CEP295: variants seen among roughly 807,000 people sequenced by gnomAD.
CEP295 encodes centrosomal protein of 295 kDa.
CEP295 carries 190 observed loss-of-function variants against 291.6 expected under a neutral mutation model. That is an observed-to-expected ratio of 0.65 (90% CI 0.58 to 0.73). The LOEUF is 0.73. Among genes scored for constraint, CEP295 ranks in the 30% least tolerant of loss-of-function variants. The pLI is 0.00. For synonymous variants in CEP295, 993 were observed against 1,038.8 expected (o/e 0.96, Z 0.85); for missense variants, 2,863 against 2,949.4 (o/e 0.97, Z 0.68).
intron 9 of CEP295, among the ~76,000 whole-genome samples, chr11:93,685,993 G>A (rs1002650964): frequency 2.0e-5 from 3 of 150,248 alleles, no homozygotes; most frequent in Non-Finnish European, 4.4e-5. Flanking sequence ...ACAGGCATGA[G>A]CCACCATGCC....
At position 93,723,196 on chromosome 11, in the gene CEP295, G is replaced by A. The variant is rs967660373; in HGVS notation, c.6103G>A (p.Asp2035Asn). The A allele has an allele frequency of 1.3e-6, 2 of 1,551,852 alleles. No individual in the cohort carries two copies. Among genetic ancestry groups the A allele is most frequent in the African/African-American group, 1.4e-5 (1 of 73,042 alleles). Residue 2035 changes from aspartate to asparagine, a missense_variant, in exon 21 of 30, where the codon GAT (aspartate) becomes AAT (asparagine). Asp to Asn is a conservative substitution (Grantham distance 23, BLOSUM62 1). Coordinates refer to ENST00000325212, the MANE Select transcript of CEP295 (RefSeq NM_033395.2). ...DVHKSLLPAV[D>N]ETTCGHTHFQ... ...TCATAAATCTCTGTTGCCTGCAGTG[G>A]ATGAAACTACATGTGGTCACACACA...
At chr11:93,716,974 A>G (rs1371088349) in intron 18 of CEP295, among the ~76,000 whole-genome samples, 3 of 152,184 alleles carry the variant, frequency 2.0e-5, no homozygotes, top group Non-Finnish European at 2.9e-5. Flanking sequence ...CTATAAACTT[A>G]TACCATAAAA....
intron 17 of CEP295, among the ~76,000 whole-genome samples, chr11:93,704,215 C>G (rs941603456): frequency 6.6e-6 from 1 of 151,684 alleles, no homozygotes; most frequent in African/African-American, 2.4e-5. Context: ...TAGAAAGGTA[C>G]TTAGAAGTTG....
chr11:93,729,086 G>C, intron 25 of CEP295: 1 of 494,072 alleles, frequency 2.0e-6, no homozygotes, highest in East Asian at 3.2e-5. Context: ...TGCCAAGTTG[G>C]AAGTTTTACC....
intron 18 of CEP295, among the ~76,000 whole-genome samples, chr11:93,712,279 C>T (rs1323417358): frequency 1.3e-5 from 2 of 151,880 alleles, no homozygotes; most frequent in African/African-American, 4.8e-5. Context: ...CAGAGTCTCA[C>T]TCTGTCACCC....
At position 93,691,711 on chromosome 11, in the gene CEP295, G is replaced by A; in HGVS notation, c.1365G>A (p.Glu455=). ...TTGAAAGTGATACACTAACAATTGA[G>A]TCTGGACCACTTGCTAGTGAAGATA... The part of the protein sequence containing the change: ...QVVESDTLTI[E]SGPLASEDKP... Residue 455 remains glutamate (E), a synonymous_variant, in exon 11 of 30, where the codon GAG becomes GAA. Coordinates refer to ENST00000325212, the MANE Select transcript of CEP295 (RefSeq NM_033395.2). 6.5e-7 allele frequency: 1 copy of A among 1,545,898 alleles called. No homozygotes were observed. Among genetic ancestry groups the A allele is most frequent in the Non-Finnish European group, 8.7e-7 (1 of 1,143,898 alleles).
chr11:93,696,320 G>A lies in CEP295; in HGVS notation c.1672G>A (p.Val558Ile). 5 of 1,536,550 alleles carry A rather than the reference G, an allele frequency of 3.3e-6. No individual in the cohort carries two copies. The highest frequency in any genetic ancestry group is 4.4e-6 in the Non-Finnish European group (5 of 1,137,116). ...EKRKKTQPTG[V>I]GIAPASCPVI... ...AATTAGTAACTTTGTCTTTTATTAG[G>A]TTGGCATTGCTCCAGCATCATGCCC... The change falls in exon 14 of 30, where the codon GTT becomes ATT. Residue 558 changes from valine (V) to isoleucine (I), a missense_variant and splice_region_variant. Physicochemically the swap from Val to Ile is conservative, Grantham distance 29. Around this residue, in one of 3 missense-constraint regions of CEP295, gnomAD observed 2,295 missense variants for 2,335.7 expected, o/e 0.98. Coordinates refer to ENST00000325212, the MANE Select transcript of CEP295 (RefSeq NM_033395.2).
At chr11:93,678,925 T>TA in intron 6 of CEP295, among the ~76,000 whole-genome samples, 2 of 152,274 alleles carry the variant, frequency 1.3e-5, no homozygotes, top group East Asian at 1.9e-4. Context: ...GGCACAGTCT[T>TA]AGTTTACTGG....
At chr11:93,722,448 T>C in intron 20 of CEP295, 1 of 163,066 alleles carries the variant, frequency 6.1e-6, no homozygotes, top group Non-Finnish European at 1.3e-5. Context: ...AGCAACATAG[T>C]GAAACCCTGT....
chr11:93,724,501 T>G (rs1953991592), intron 22 of CEP295, 126 bp downstream of exon 22: 2 of 941,450 alleles, frequency 2.1e-6, no homozygotes, highest in Non-Finnish European at 3.2e-6. Context: ...GCACAGTGGC[T>G]CACACCTGTA....
At chr11:93,673,795 A>G (rs1209399485) in intron 5 of CEP295, among the ~76,000 whole-genome samples, 1 of 151,672 alleles carries the variant, frequency 6.6e-6, no homozygotes, top group Admixed American at 6.6e-5. Context: ...GCCTGGCCGC[A>G]GCTTTTTAAC....
chr11:93,723,111 T>G lies in CEP295; in HGVS notation c.6018T>G (p.Ile2006Met). The G allele has an allele frequency of 6.4e-7, 1 of 1,551,580 alleles. No individual in the cohort carries two copies. The highest frequency in any genetic ancestry group is 8.7e-7 in the Non-Finnish European group (1 of 1,146,726). Residue 2006 changes from isoleucine (I) to methionine (M), a missense_variant, in exon 21 of 30, where the codon ATT (isoleucine) becomes ATG (methionine). Physicochemically the swap from Ile to Met is conservative, Grantham distance 10 (BLOSUM62 1). Coordinates refer to ENST00000325212, the MANE Select transcript of CEP295 (RefSeq NM_033395.2). ...STTSKEEETN[I>M]ISSIVPSTQD... ...CCAGTAAAGAAGAGGAAACAAATAT[T>G]ATAAGTTCCATAGTTCCTTCAACAC...
chr11:93,669,602 T>C, intron 4 of CEP295, 75 bp from the exon 5 acceptor site: 1 of 936,700 alleles, frequency 1.1e-6, no homozygotes, highest in Non-Finnish European at 1.7e-6. Context: ...AGCCTATGAC[T>C]TACATATTTT....
At chr11:93,684,698 G>T (rs1951141251) in intron 9 of CEP295, among the ~76,000 whole-genome samples, 1 of 152,218 alleles carries the variant, frequency 6.6e-6, no homozygotes. Context: ...GCAAGCGGTT[G>T]CAGTTCTTCT....
intron 1 of CEP295, among the ~76,000 whole-genome samples, chr11:93,663,796 T>C (rs1420406121): frequency 1.8e-4 from 27 of 152,244 alleles, no homozygotes. Flanking sequence ...TGAGATGAAG[T>C]AATGGATACC....
Position 93,698,567 on chromosome 11 carries a change from G to A in CEP295, c.3655G>A (p.Glu1219Lys). 6.4e-7 allele frequency: 1 copy of A among 1,552,172 alleles called. No individual in the cohort carries two copies. The highest frequency in any genetic ancestry group is 8.7e-7 in the Non-Finnish European group (1 of 1,147,116). Residue 1219 changes from glutamate to lysine, a missense_variant, in exon 15 of 30, where the codon GAA (glutamate) becomes AAA (lysine). By Grantham distance (56) the Glu-to-Lys change is moderately conservative. Around this residue, in one of 3 missense-constraint regions of CEP295, gnomAD observed 2,295 missense variants for 2,335.7 expected, o/e 0.98. Transcript: ENST00000325212. ...SQVDESERFQ[E>K]CISIKSDSTI... Reference sequence around the variant, plus strand: ...GGTGGATGAATCTGAGAGATTCCAGGAATGTATATCAATCAAGAGTGACAG... The same window carrying A: ...GGTGGATGAATCTGAGAGATTCCAGAAATGTATATCAATCAAGAGTGACAG...
In CEP295 at chr11:93,683,620, G is replaced by A; in HGVS notation, c.827G>A (p.Arg276Lys). 1 of 1,548,616 alleles carries A rather than the reference G, an allele frequency of 6.5e-7. No homozygotes were observed. The highest frequency in any genetic ancestry group is 2.4e-5 in the East Asian group (1 of 40,874). Residue 276 changes from arginine (R) to lysine (K), a missense_variant, in exon 8 of 30, where the codon AGA becomes AAA. This residue lies in a region of CEP295 where 554 missense variants were observed against 576.0 expected (regional missense o/e 0.96). Transcript: ENST00000325212. ...CAGCAAGAGGACCTGGCACGTAGGA[G>A]ACAGACTGTAGCACAAATGCCACCA... The part of the protein sequence containing the change: ...QLQQEDLARR[R>K]QTVAQMPPQL...
chr11:93,725,554 A>G, intron 22 of CEP295, 97 bp from the exon 23 acceptor site: 1 of 979,720 alleles, frequency 1.0e-6, no homozygotes. Context: ...GTGAAGTGAT[A>G]ATTAAGGAAG....
chr11:93,678,706 T>C (rs1472238705), intron 6 of CEP295, among the ~76,000 whole-genome samples: 1 of 152,084 alleles, frequency 6.6e-6, no homozygotes, highest in African/African-American at 2.4e-5. Flanking sequence ...GATGGGAGGA[T>C]TGCTTGAGAC....
Sources: gnomAD v4.1 joint callset for allele counts (sites outside exome capture counted in the v4.1 genomes callset) on GRCh38, gnomAD v4.1.1 for gene constraint, gnomAD v4.1.1 regional missense constraint, MANE v1.5 for transcripts, NCBI Gene and HGNC (gene_info 2026-07-23, HGNC 2026-07-21) for gene names.